SLC45A4: variants seen among roughly 807,000 people sequenced by gnomAD.
SLC45A4 encodes polyamine-transporter SLC45A4.
A neutral mutation model predicts 63.7 loss-of-function variants in SLC45A4; 32 were observed. That is an observed-to-expected ratio of 0.50 (90% CI 0.38 to 0.67). The LOEUF (loss-of-function observed/expected upper bound fraction) is 0.67, where lower values mean the gene tolerates loss of function less well. SLC45A4 is among the 30% of genes least tolerant of loss of function. SLC45A4 has a pLI of 0.00. For synonymous variants in SLC45A4, 535 were observed against 510.0 expected (o/e 1.05, Z -0.66); for missense variants, 1,027 against 1,157.7 (o/e 0.89, Z 1.64).
chr8:141,234,474 G>A (rs1403465552), intron 2 of SLC45A4, among the ~76,000 whole-genome samples: 1 of 152,184 alleles, frequency 6.6e-6, no homozygotes, highest in Non-Finnish European at 1.5e-5. Flanking sequence ...ACCCCATTTT[G>A]ACATTTCCCT....
intron 2 of SLC45A4, among the ~76,000 whole-genome samples, chr8:141,244,977 G>T (rs938746539): frequency 6.9e-6 from 1 of 145,614 alleles, no homozygotes; most frequent in Non-Finnish European, 1.5e-5. Context: ...GGGCGGTGTG[G>T]AGGTGGAGGC....
chr8:141,274,427 G>A (rs1224385718), intron 1 of SLC45A4, among the ~76,000 whole-genome samples: 3 of 151,202 alleles, frequency 2.0e-5, no homozygotes, highest in East Asian at 1.9e-4. Flanking sequence ...CCAGGTACTC[G>A]GGAGGCTGAG....
rs181601232 is a variant in SLC45A4, at chr8:141,302,523, G to C, written c.-401+5573C>G. ...TAATTTTTGTATTTTTAGTAGAGAT[G>C]GTTTTGCCATGTTGGCCAGGCTGGT... On this transcript the variant is annotated intron_variant, in intron 1 of 8. Coordinates refer to ENST00000517878, the MANE Select transcript of SLC45A4 (RefSeq NM_001286646.2). 2.5e-3 allele frequency among the ~76,000 whole-genome samples: 375 copies of C among 152,092 alleles called. 2 individuals carry two copies. The highest frequency in any genetic ancestry group is 8.8e-3 in the African/African-American group (364 of 41,492).
At chr8:141,239,717 T>G (rs1827810450) in intron 2 of SLC45A4, among the ~76,000 whole-genome samples, 1 of 152,222 alleles carries the variant, frequency 6.6e-6, no homozygotes, top group African/African-American at 2.4e-5. Flanking sequence ...CTATGGTCAG[T>G]TGCATAAGAC....
At position 141,211,597 on chromosome 8, in the gene SLC45A4, A is replaced by G; in HGVS notation, c.2402T>C (p.Phe801Ser). The stretch of plus-strand genomic sequence containing the variant: ...CTAAGAGAACCACATTGTGGAAAAG[A>G]AAATTTTTTTTCTAAAATAATCATA... ...FLYDYFRKKI[F>S]FSTMWFS The change falls in exon 9 of 9, where the codon TTC (phenylalanine) becomes TCC (serine). Residue 801 changes from phenylalanine (F) to serine (S), a missense_variant. Phe to Ser is a radical substitution (Grantham distance 155). Coordinates refer to ENST00000517878, the MANE Select transcript of SLC45A4 (RefSeq NM_001286646.2). 6.2e-7 allele frequency: 1 copy of G among 1,612,852 alleles called. No homozygotes were observed. Among genetic ancestry groups the G allele is most frequent in the Non-Finnish European group, 8.5e-7 (1 of 1,179,900 alleles).
In SLC45A4 at chr8:141,227,219, A is replaced by C. The variant is rs531174860; in HGVS notation, c.242-5454T>G. Among the ~76,000 whole-genome samples the C allele has an allele frequency of 6.6e-6, 1 of 152,102 alleles. No homozygotes were observed. The highest frequency in any genetic ancestry group is 1.9e-4 in the East Asian group (1 of 5,158). ...AAATACTGTGTCACCGCTCGGCCGC[A>C]GGCTGTGTGAGGTCACGGGCGACGC... On this transcript the variant is annotated intron_variant, in intron 2 of 8. Coordinates refer to ENST00000517878, the MANE Select transcript of SLC45A4 (RefSeq NM_001286646.2). The surrounding 1 kb of genome is among the most constrained non-coding windows in gnomAD (Gnocchi z 4.4).
At chr8:141,249,549 G>A (rs1015290292) in intron 2 of SLC45A4, among the ~76,000 whole-genome samples, 5 of 152,200 alleles carry the variant, frequency 3.3e-5, no homozygotes, top group Non-Finnish European at 5.9e-5. Flanking sequence ...GGTGGTGGCT[G>A]GGGGCAGCGG....
intron 2 of SLC45A4, among the ~76,000 whole-genome samples, chr8:141,247,877 G>A (rs1044332674): frequency 6.6e-6 from 1 of 152,186 alleles, no homozygotes; most frequent in Non-Finnish European, 1.5e-5. Context: ...GCCAACAGAG[G>A]TGCCATGGAT....
chr8:141,219,708 C>T lies in SLC45A4; in HGVS notation c.552G>A (p.Leu184=), dbSNP rs1650067944. 3 of 1,612,210 alleles carry T rather than the reference C, an allele frequency of 1.9e-6. No homozygotes were observed. Among genetic ancestry groups the T allele is most frequent in the South Asian group, 1.1e-5 (1 of 90,746 alleles). The stretch of plus-strand genomic sequence containing the variant: ...CCTGCTCCTCGCTGTCCACCACGTC[C>T]AGCAGATAGGCACGGATGGGCCCCT... ...ATEGPIRAYL[L]DVVDSEEQDM... The change falls in exon 4 of 9, where the codon CTG becomes CTA. Residue 184 remains leucine, a synonymous_variant. Transcript: ENST00000517878.
chr8:141,295,985 T>C (rs1830534603), intron 1 of SLC45A4, among the ~76,000 whole-genome samples: 1 of 152,132 alleles, frequency 6.6e-6, no homozygotes, highest in Admixed American at 6.5e-5. Context: ...GCCTGGCCCC[T>C]AGGAAACAGG....
intron 2 of SLC45A4, among the ~76,000 whole-genome samples, chr8:141,241,960 G>A (rs1365229355): frequency 6.6e-6 from 1 of 152,264 alleles, no homozygotes; most frequent in African/African-American, 2.4e-5. Context: ...AGACAAGGGA[G>A]TGTATGGTGG....
intron 1 of SLC45A4, among the ~76,000 whole-genome samples, chr8:141,305,933 C>T (rs1377660274): frequency 1.3e-5 from 2 of 152,180 alleles, no homozygotes; most frequent in Non-Finnish European, 2.9e-5. Flanking sequence ...TCCTTCCCTG[C>T]AGATCTGCGG....
At chr8:141,217,397 C>T (rs369102757) in intron 5 of SLC45A4, among the ~76,000 whole-genome samples, 4 of 152,236 alleles carry the variant, frequency 2.6e-5, no homozygotes, top group African/African-American at 9.6e-5. Context: ...TGTGACGTGA[C>T]TCTGCCACCG....
intron 1 of SLC45A4, among the ~76,000 whole-genome samples, chr8:141,283,119 C>T (rs1482837734): frequency 6.6e-6 from 1 of 152,214 alleles, no homozygotes; most frequent in African/African-American, 2.4e-5. Flanking sequence ...TTTTCTGCAT[C>T]CAAAATTTGT....
At chr8:141,244,258 G>C (rs1203038355) in intron 2 of SLC45A4, among the ~76,000 whole-genome samples, 1 of 152,194 alleles carries the variant, frequency 6.6e-6, no homozygotes, top group Admixed American at 6.5e-5. Context: ...CCTCCTCCAA[G>C]CGAGCAGCTC....
chr8:141,307,364 A>G (rs1830929813), intron 1 of SLC45A4, among the ~76,000 whole-genome samples: 1 of 152,158 alleles, frequency 6.6e-6, no homozygotes, highest in African/African-American at 2.4e-5. Flanking sequence ...GGTCGGTCTC[A>G]GGAAATCAAG....
Position 141,229,428 on chromosome 8 carries a change from G to C in SLC45A4, c.242-7663C>G, listed in dbSNP as rs1827220994. ...CTACCTCCTCTTCTAGAAAACACCAGGCTCACATCCCGCTCAGAACCTCAG... is the reference window on the plus strand; with the variant it reads ...CTACCTCCTCTTCTAGAAAACACCACGCTCACATCCCGCTCAGAACCTCAG... On this transcript the variant is annotated intron_variant, in intron 2 of 8. Coordinates refer to ENST00000517878, the MANE Select transcript of SLC45A4 (RefSeq NM_001286646.2). This position sits in a 1 kb window ranked among gnomAD's most constrained non-coding sequence, Gnocchi z 5.0. Among the ~76,000 whole-genome samples the C allele has an allele frequency of 6.6e-6, 1 of 151,964 alleles. No individual in the cohort carries two copies. Among genetic ancestry groups the C allele is most frequent in the Admixed American group, 6.6e-5 (1 of 15,264 alleles).
intron 1 of SLC45A4, among the ~76,000 whole-genome samples, chr8:141,259,581 C>T (rs1183296740): frequency 6.6e-6 from 1 of 152,200 alleles, no homozygotes; most frequent in African/African-American, 2.4e-5. Flanking sequence ...ACCTTCAGCT[C>T]AACCACCCTG....
chr8:141,306,772 A>G (rs1218079446), intron 1 of SLC45A4, among the ~76,000 whole-genome samples: 2 of 152,262 alleles, frequency 1.3e-5, no homozygotes, highest in East Asian at 3.8e-4. Context: ...CGCTCTCAGT[A>G]ATGCTGGGCA....
Sources: allele counts gnomAD v4.1 joint callset (sites outside exome capture counted in the v4.1 genomes callset), GRCh38; gene constraint gnomAD v4.1.1; non-coding constraint Gnocchi (gnomAD v3.1); transcripts MANE v1.5; gene names NCBI Gene and HGNC (gene_info 2026-07-23, HGNC 2026-07-21).